Variants in BBS9 observed in about 807,000 individuals in gnomAD.
The protein encoded by BBS9 is protein PTHB1.
Under a neutral mutation model 117.7 loss-of-function variants are expected in BBS9, and 89 were observed. That is an observed-to-expected ratio of 0.76 (90% confidence interval 0.64 to 0.90). The LOEUF (loss-of-function observed/expected upper bound fraction) is 0.90, where lower values mean the gene tolerates loss of function less well. Among genes scored for constraint, BBS9 ranks in the 40% least tolerant of loss-of-function variants. The pLI is 0.00. For synonymous variants in BBS9, 379 were observed against 370.9 expected (o/e 1.02, Z -0.25); for missense variants, 982 against 1,042.2 (o/e 0.94, Z 0.80).
At chr7:33,605,056 G>A (rs778156078) in intron 22 of BBS9, 81 bp downstream of exon 22, 98 of 1,470,460 alleles carry the variant, frequency 6.7e-5, no homozygotes, top group Non-Finnish European at 9.0e-5. Flanking sequence ...ATACCAGAGA[G>A]CATTCCGCAA....
chr7:33,542,663 C>T (rs28882168), intron 21 of BBS9, among the ~76,000 whole-genome samples: 92,890 of 150,778 alleles, frequency 0.62, 29,537 homozygotes, highest in African/African-American at 0.76. Flanking sequence ...TGTTAATTCA[C>T]TCCTTTTTAT....
intron 19 of BBS9, among the ~76,000 whole-genome samples, chr7:33,435,936 T>C (rs982034179): frequency 1.3e-5 from 2 of 152,160 alleles, no homozygotes; most frequent in Non-Finnish European, 2.9e-5. Context: ...AGTGGATTCC[T>C]TGGGCTAGAG....
chr7:33,274,893 G>T (rs1225816915), intron 9 of BBS9, among the ~76,000 whole-genome samples: 4 of 151,250 alleles, frequency 2.6e-5, no homozygotes, highest in African/African-American at 9.7e-5. Flanking sequence ...TGCTTGGGAG[G>T]CTGAGGCAGG....
chr7:33,275,665 G>A (rs1363310654), intron 9 of BBS9, among the ~76,000 whole-genome samples: 1 of 152,122 alleles, frequency 6.6e-6, no homozygotes, highest in Non-Finnish European at 1.5e-5. Context: ...TGTATTTTGA[G>A]CACAGGAGAA....
chr7:33,348,985 C>G lies in BBS9; in HGVS notation c.1330-83C>G, dbSNP rs559784799. ...TCAGGTAATATTTTCTAATTATTTG[C>G]TAGTTATGTTTAAGTAGTTACGATA... On this transcript the variant is annotated intron_variant, in intron 12 of 22. Transcript: ENST00000242067. 1.2e-4 allele frequency: 112 copies of G among 941,532 alleles called. 2 individuals are homozygous for G. The highest frequency in any genetic ancestry group is 5.8e-4 in the South Asian group (44 of 75,460). 58.3% of individuals were successfully genotyped at this position (941,532 alleles called of 1,614,324 possible). A position where few individuals can be genotyped will look rare whatever the true frequency, so the allele number is the denominator to read the frequency against.
chr7:33,267,047 T>C (rs2128332218), intron 7 of BBS9, among the ~76,000 whole-genome samples: 1 of 152,208 alleles, frequency 6.6e-6, no homozygotes, highest in East Asian at 1.9e-4. Flanking sequence ...CTGGCATATA[T>C]CTATATTTAT....
intron 19 of BBS9, among the ~76,000 whole-genome samples, chr7:33,498,313 C>A (rs973485943): frequency 1.3e-5 from 2 of 152,072 alleles, no homozygotes; most frequent in South Asian, 4.1e-4. Context: ...TGCAAAGTAT[C>A]TTTTATTCGC....
chr7:33,367,106 G>A (rs1011368399), intron 16 of BBS9, among the ~76,000 whole-genome samples: 1 of 152,006 alleles, frequency 6.6e-6, no homozygotes, highest in South Asian at 2.1e-4. Context: ...TTTTTTAGCT[G>A]GATTATTTCT....
chr7:33,332,922 A>G (rs7802888), intron 9 of BBS9, among the ~76,000 whole-genome samples: 56,134 of 151,844 alleles, frequency 0.37, 10,927 homozygotes, highest in Admixed American at 0.48. Flanking sequence ...AGGTACATTC[A>G]TACTGCTGTG....
intron 2 of BBS9, among the ~76,000 whole-genome samples, chr7:33,151,256 GA>G (rs879591909): frequency 2.2e-4 from 31 of 143,154 alleles, no homozygotes; most frequent in East Asian, 4.0e-4. Context: ...TGTCTCAAAG[GA>G]AAAAAAAAAA....
chr7:33,357,811 T>C (rs1488650084), intron 15 of BBS9, 44 bp from the exon 16 acceptor site: 2 of 1,594,530 alleles, frequency 1.3e-6, no homozygotes, highest in East Asian at 4.5e-5. Context: ...TTTGCCAAAT[T>C]ATTTGTCAAG....
At chr7:33,221,850 T>C (rs534717354) in intron 5 of BBS9, among the ~76,000 whole-genome samples, 62 of 152,224 alleles carry the variant, frequency 4.1e-4, no homozygotes, top group African/African-American at 1.3e-3. Context: ...AAATATGATA[T>C]GAAATACTTA....
intron 18 of BBS9, 150 bp from the exon 19 acceptor site, chr7:33,387,842 C>T: frequency 1.1e-6 from 1 of 872,468 alleles, no homozygotes; most frequent in Admixed American, 2.3e-5. Flanking sequence ...ATTCATGTAC[C>T]AAATACCACA....
At chr7:33,559,065 G>A (rs902968508) in intron 21 of BBS9, among the ~76,000 whole-genome samples, 2 of 152,162 alleles carry the variant, frequency 1.3e-5, no homozygotes, top group African/African-American at 2.4e-5. Flanking sequence ...AAATTTTAAT[G>A]TATTCAGCTT....
At chr7:33,633,269 A>G (rs559969399) in intron 21 of BBS9, among the ~76,000 whole-genome samples, 2 of 151,802 alleles carry the variant, frequency 1.3e-5, no homozygotes, top group Non-Finnish European at 2.9e-5. Flanking sequence ...AGTTCTATAT[A>G]GTTTGCTTTT....
chr7:33,233,635 G>C (rs1792908483), intron 5 of BBS9, among the ~76,000 whole-genome samples: 1 of 152,084 alleles, frequency 6.6e-6, no homozygotes, highest in Non-Finnish European at 1.5e-5. Context: ...ACAGTAATCA[G>C]CTGTTCAGCT....
At chr7:33,560,461 G>T (rs969561456) in intron 21 of BBS9, among the ~76,000 whole-genome samples, 1 of 152,124 alleles carries the variant, frequency 6.6e-6, no homozygotes, top group Non-Finnish European at 1.5e-5. Flanking sequence ...ATCACCACGA[G>T]ATGCATTCAT....
chr7:33,553,873 G>A (rs939752763), intron 21 of BBS9, among the ~76,000 whole-genome samples: 2 of 152,174 alleles, frequency 1.3e-5, no homozygotes, highest in Non-Finnish European at 2.9e-5. Flanking sequence ...TCTGGGGGAT[G>A]AGCCGGATAA....
chr7:33,502,667 A>G (rs934622551), intron 19 of BBS9, among the ~76,000 whole-genome samples: 6 of 152,194 alleles, frequency 3.9e-5, no homozygotes, highest in Non-Finnish European at 7.3e-5. Context: ...TAGTTCTGGC[A>G]TACCACTGCT....
Sources: allele counts gnomAD v4.1 joint callset (sites outside exome capture counted in the v4.1 genomes callset), GRCh38; gene constraint gnomAD v4.1.1; transcripts MANE v1.5; gene names NCBI Gene and HGNC (gene_info 2026-07-23, HGNC 2026-07-21).